SCAMP4: variants seen among roughly 807,000 people sequenced by gnomAD.
SCAMP4 encodes the protein secretory carrier membrane protein 4.
In SCAMP4, 19 loss-of-function variants were observed where a neutral mutation model predicts 32.1. The ratio of observed to expected loss-of-function variants is 0.59; its 90% CI spans 0.41 to 0.87. The LOEUF (loss-of-function observed/expected upper bound fraction) is 0.87, where lower values mean the gene tolerates loss of function less well. Among genes scored for constraint, SCAMP4 ranks in the 40% least tolerant of loss-of-function variants. The pLI, the probability that SCAMP4 is intolerant of heterozygous loss-of-function variation, is 0.00. For missense variants in SCAMP4, 302 were observed against 309.0 expected, an observed-to-expected ratio of 0.98 and a Z score of 0.17; for synonymous variants, 152 against 132.7, an observed-to-expected ratio of 1.15 and a Z score of -1.00.
Position 1,924,853 on chromosome 19 carries a change from C to A in SCAMP4, c.*569C>A, listed in dbSNP as rs1248563389. On this transcript the variant is annotated 3_prime_UTR_variant, in exon 7 of 7. Coordinates refer to ENST00000316097, the MANE Select transcript of SCAMP4 (RefSeq NM_079834.4). ...CGCCATCCCCTGATCTGTGCGGCTC[C>A]AGCCTCGCCCCCTCCCCACGTGCAC... The A allele has an allele frequency of 6.4e-6, 1 of 156,484 alleles. No homozygotes were observed. Among genetic ancestry groups the A allele is most frequent in the Non-Finnish European group, 1.4e-5 (1 of 70,216 alleles). The allele number at this position is 156,484 out of a possible 1,614,324, so 9.7% of individuals were successfully genotyped here. A position where few individuals can be genotyped will look rare whatever the true frequency, so the allele number is the denominator to read the frequency against.
Position 1,925,009 on chromosome 19 carries a change from C to CA in SCAMP4, c.*726dup, listed in dbSNP as rs377463616. The CA allele has an allele frequency of 1.6e-4, 24 of 152,440 alleles. No individual in the cohort carries two copies. The highest frequency in any genetic ancestry group is 5.5e-4 in the African/African-American group (23 of 41,574). The allele number at this position is 152,440 out of a possible 1,614,324, so 9.4% of individuals were successfully genotyped here. A position where few individuals can be genotyped will look rare whatever the true frequency, so the allele number is the denominator to read the frequency against. On this transcript the variant is annotated 3_prime_UTR_variant, in exon 7 of 7. Coordinates refer to ENST00000316097, the MANE Select transcript of SCAMP4 (RefSeq NM_079834.4). Reference sequence around the variant, plus strand: ...GGGGACCCAGGCCAGGTCGGGAGCACAGCCGCTCCCCAAACCCAGCAAACC... The same window carrying CA: ...GGGGACCCAGGCCAGGTCGGGAGCACAAGCCGCTCCCCAAACCCAGCAAACC...
chr19:1,912,390 C>T (rs1242470237), intron 1 of SCAMP4: 4 of 1,518,520 alleles, frequency 2.6e-6, no homozygotes, highest in Non-Finnish European at 3.5e-6. Context: ...CCTGGCTGGG[C>T]CGGCCTCGGG....
In SCAMP4 at chr19:1,918,990, G is replaced by A; in HGVS notation, c.395G>A (p.Cys132Tyr). The change falls in exon 5 of 7, where the codon TGC becomes TAC. Residue 132 changes from cysteine (C) to tyrosine (Y), a missense_variant and splice_region_variant. Cys to Tyr is a radical substitution (Grantham distance 194, BLOSUM62 -2). Transcript: ENST00000316097. ...ATTGGCTTCTCCGGCTGGGGCGCGTGGTAAGCCTCTCTCTGATGGGCGTGG... is the reference window on the plus strand; with the variant it reads ...ATTGGCTTCTCCGGCTGGGGCGCGTAGTAAGCCTCTCTCTGATGGGCGTGG... ...QAIGFSGWGA[C>Y]GWLSAIGFFQ... 6.2e-7 allele frequency: 1 copy of A among 1,603,400 alleles called. No homozygotes were observed. Among genetic ancestry groups the A allele is most frequent in the Non-Finnish European group, 8.5e-7 (1 of 1,175,092 alleles).
At chr19:1,916,897 C>G (rs1054943360) in intron 2 of SCAMP4, among the ~76,000 whole-genome samples, 2 of 152,226 alleles carry the variant, frequency 1.3e-5, no homozygotes, top group Non-Finnish European at 2.9e-5. Flanking sequence ...CCCTGCCTGC[C>G]GGAGGGAATG....
rs895349823 is a variant in SCAMP4, at chr19:1,908,687, C to G, written c.-42+3248C>G. On this transcript the variant is annotated intron_variant, in intron 1 of 6. Coordinates refer to ENST00000316097, the MANE Select transcript of SCAMP4 (RefSeq NM_079834.4). The surrounding 1 kb of genome is among the most constrained non-coding windows in gnomAD (Gnocchi z 4.2). ...TTATTTATTTATTTGAAAAAAGGAA[C>G]AGGGTCTCTCTATCTTGCCCACGTT... 41 of 423,676 alleles carry G rather than the reference C, an allele frequency of 9.7e-5. No individual in the cohort carries two copies. Among genetic ancestry groups the G allele is most frequent in the Middle Eastern group, 1.3e-3 (2 of 1,556 alleles). 26.2% of individuals were successfully genotyped at this position (423,676 alleles called of 1,614,324 possible). A position where few individuals can be genotyped will look rare whatever the true frequency, so the allele number is the denominator to read the frequency against.
chr19:1,913,125 T>G (rs1210238082), intron 1 of SCAMP4: 3 of 1,576,624 alleles, frequency 1.9e-6, no homozygotes, highest in Non-Finnish European at 2.6e-6. Flanking sequence ...GGAGGAGCAG[T>G]GCCGCTGGCT....
In SCAMP4 at chr19:1,908,796, A is replaced by G. The variant is rs768045947; in HGVS notation, c.-42+3357A>G. On this transcript the variant is annotated intron_variant, in intron 1 of 6. Transcript: ENST00000316097. This position sits in a 1 kb window ranked among gnomAD's most constrained non-coding sequence, Gnocchi z 4.2. ...CTACATGTGCACACCACCGTGCCCA[A>G]CTAATTTATACTTTTAAGCAATGTG... Among the ~76,000 whole-genome samples, 6 of 152,118 alleles carry G rather than the reference A, an allele frequency of 3.9e-5. No homozygotes were observed. The highest frequency in any genetic ancestry group is 8.8e-5 in the Non-Finnish European group (6 of 68,028).
intron 1 of SCAMP4, chr19:1,914,587 G>A (rs1022459395): frequency 4.1e-6 from 1 of 242,430 alleles, no homozygotes; most frequent in African/African-American, 2.2e-5. Flanking sequence ...TTCCCTTTCA[G>A]AACGGCCAGG....
intron 1 of SCAMP4, chr19:1,912,169 C>A (rs750783340): frequency 1.3e-6 from 2 of 1,574,878 alleles, no homozygotes; most frequent in East Asian, 2.3e-5. Context: ...GAGCCGGCGC[C>A]GTGGCAGGCC....
chr19:1,914,739 G>A (rs1443225772), intron 1 of SCAMP4, among the ~76,000 whole-genome samples: 2 of 152,234 alleles, frequency 1.3e-5, no homozygotes, highest in Non-Finnish European at 2.9e-5. Flanking sequence ...GCGGTGGGTG[G>A]GAGGGGCTGC....
Position 1,924,451 on chromosome 19 carries a change from G to C in SCAMP4, c.*167G>C. The stretch of plus-strand genomic sequence containing the variant: ...CCCTCCTGCCAGGGCCACAGAACCC[G>C]TGTTCATCTCATCCGAGAGCGGAGT... On this transcript the variant is annotated 3_prime_UTR_variant, in exon 7 of 7. Coordinates refer to ENST00000316097, the MANE Select transcript of SCAMP4 (RefSeq NM_079834.4). 1 of 621,548 alleles carries C rather than the reference G, an allele frequency of 1.6e-6. No homozygotes were observed. Among genetic ancestry groups the C allele is most frequent in the East Asian group, 2.8e-5 (1 of 36,316 alleles). 38.5% of individuals were successfully genotyped at this position (621,548 alleles called of 1,614,324 possible).
At chr19:1,913,273 C>T in intron 1 of SCAMP4, 1 of 1,370,522 alleles carries the variant, frequency 7.3e-7, no homozygotes, top group Admixed American at 2.9e-5. Flanking sequence ...CATACCGCCT[C>T]CAGCGGGGAG....
intron 2 of SCAMP4, 110 bp downstream of exon 2, chr19:1,915,136 C>A: frequency 1.5e-6 from 2 of 1,330,668 alleles, no homozygotes; most frequent in Non-Finnish European, 2.1e-6. Flanking sequence ...TCCTCCTGGC[C>A]CACCTGGCCT....
intron 2 of SCAMP4, among the ~76,000 whole-genome samples, chr19:1,917,315 G>A (rs939713282): frequency 3.9e-5 from 6 of 152,008 alleles, no homozygotes; most frequent in African/African-American, 1.5e-4. Flanking sequence ...CAAAAAAAGA[G>A]TCATAAACTT....
At chr19:1,906,868 GTGTGT>G (rs2013149884) in intron 1 of SCAMP4, 1 of 135,118 alleles carries the variant, frequency 7.4e-6, no homozygotes, top group African/African-American at 2.8e-5. Context: ...AAAAAAAATT[GTGTGT>G]GTGTGTGTGT....
intron 1 of SCAMP4, chr19:1,906,219 G>C (rs1384127159): frequency 1.3e-5 from 2 of 152,162 alleles, no homozygotes; most frequent in Non-Finnish European, 2.9e-5. Context: ...AATTAGCTGG[G>C]CGTGGTGTCA....
rs1397566162 is a variant in SCAMP4 at position 1,924,619 on chromosome 19, C to A, written c.*335C>A. On this transcript the variant is annotated 3_prime_UTR_variant, in exon 7 of 7. Transcript: ENST00000316097. ...GGTCTCGAGGCCTGACTCCGGGGGA[C>A]AGGTGGCAGCAGGTCGGCCGCCCTC... 8 of 310,328 alleles carry A rather than the reference C, an allele frequency of 2.6e-5. No individual in the cohort carries two copies. Among genetic ancestry groups the A allele is most frequent in the Admixed American group, 2.0e-4 (5 of 25,318 alleles). The allele number at this position is 310,328 out of a possible 1,614,324, so 19.2% of individuals were successfully genotyped here. A position where few individuals can be genotyped will look rare whatever the true frequency, so the allele number is the denominator to read the frequency against.
At chr19:1,917,999 C>T (rs2013789267) in intron 3 of SCAMP4, 128 bp from the exon 4 acceptor site, 1 of 1,377,166 alleles carries the variant, frequency 7.3e-7, no homozygotes. Context: ...TTGGCTTGCA[C>T]AGTTCATCCT....
intron 1 of SCAMP4, among the ~76,000 whole-genome samples, chr19:1,913,767 G>A (rs938477463): frequency 2.0e-5 from 3 of 152,236 alleles, no homozygotes; most frequent in Non-Finnish European, 2.9e-5. Context: ...GATGCTAGTC[G>A]GTCACAGCAC....
Sources: gnomAD v4.1 joint callset for allele counts (sites outside exome capture counted in the v4.1 genomes callset) on GRCh38, gnomAD v4.1.1 for gene constraint, Gnocchi (gnomAD v3.1) non-coding constraint, MANE v1.5 for transcripts, NCBI Gene and HGNC (gene_info 2026-07-23, HGNC 2026-07-21) for gene names.